PCDH9: variants seen among roughly 807,000 people sequenced by gnomAD.
PCDH9 encodes the protein protocadherin 9.
Under a neutral mutation model 70.6 loss-of-function variants are expected in PCDH9, and 24 were observed. The ratio of observed to expected loss-of-function variants is 0.34; its 90% CI spans 0.25 to 0.48. The LOEUF (loss-of-function observed/expected upper bound fraction) is 0.48. Ranked by LOEUF, PCDH9 falls within the 20% of genes least tolerant of loss-of-function variation. The probability of loss-of-function intolerance (pLI) is 0.99; values close to 1 mark genes in which losing one functional copy is unlikely to be tolerated. For synonymous variants in PCDH9, 562 were observed against 558.5 expected (o/e 1.01, Z -0.09); for missense variants, 1,281 against 1,503.6 (o/e 0.85, Z 2.45).
intron 2 of PCDH9, among the ~76,000 whole-genome samples, chr13:67,107,506 C>T (rs191131076): frequency 7.9e-4 from 121 of 152,310 alleles, no homozygotes; most frequent in African/African-American, 1.3e-3. Context: ...GACGTCAGAA[C>T]GATCTGCCTG....
At chr13:66,771,749 T>C (rs2079810853) in intron 3 of PCDH9, among the ~76,000 whole-genome samples, 2 of 152,234 alleles carry the variant, frequency 1.3e-5, no homozygotes. Flanking sequence ...CAAATTGATT[T>C]ATCTCCTCAA....
intron 2 of PCDH9, among the ~76,000 whole-genome samples, chr13:66,949,501 A>C (rs1057089358): frequency 4.6e-5 from 7 of 152,034 alleles, no homozygotes; most frequent in African/African-American, 1.7e-4. Context: ...CTTACAAATA[A>C]ATGGAGTAGG....
At chr13:67,024,819 T>C (rs1039302744) in intron 2 of PCDH9, among the ~76,000 whole-genome samples, 4 of 152,106 alleles carry the variant, frequency 2.6e-5, no homozygotes, top group African/African-American at 9.7e-5. Context: ...TAGAAAAAAT[T>C]ATGAAATACT....
chr13:66,857,771 G>T (rs2081418476), intron 3 of PCDH9, among the ~76,000 whole-genome samples: 2 of 152,000 alleles, frequency 1.3e-5, no homozygotes, highest in African/African-American at 4.8e-5. Context: ...ACACATGAAA[G>T]CTTCATAGAT....
At chr13:66,438,437 GGCTAAATAACTTTTGACA>G (rs1957917411) in intron 4 of PCDH9, among the ~76,000 whole-genome samples, 1 of 152,082 alleles carries the variant, frequency 6.6e-6, no homozygotes, top group Non-Finnish European at 1.5e-5. Flanking sequence ...AGGCAAGGAA[GGCTAAATAACTTTTGACA>G]GCTAAATAAC....
rs1593771527 is a variant in PCDH9 at position 66,304,950 on chromosome 13, T to A, written c.3419A>T (p.Asp1140Val). The change falls in exon 5 of 5, where the codon GAT (aspartate) becomes GTT (valine). Residue 1140 changes from aspartate to valine, a missense_variant. Physicochemically the swap from Asp to Val is radical, Grantham distance 152 (BLOSUM62 -3). This residue lies in a region of PCDH9 where 264 missense variants were observed against 278.8 expected (regional missense o/e 0.95). Transcript: ENST00000377865. The part of the protein sequence containing the change: ...TQECLVLGHS[D>V]NCWMPPGLGP... ...CAAGCCAGGAGGCATCCAGCAATTA[T>A]CAGAGTGACCCAAAACCAAGCACTC... The A allele has an allele frequency of 6.2e-7, 1 of 1,613,494 alleles. No individual in the cohort carries two copies. Among genetic ancestry groups the A allele is most frequent in the Admixed American group, 1.7e-5 (1 of 59,860 alleles).
chr13:66,419,621 C>G (rs1483025072), intron 4 of PCDH9, among the ~76,000 whole-genome samples: 2 of 152,050 alleles, frequency 1.3e-5, no homozygotes, highest in Non-Finnish European at 2.9e-5. Context: ...TGCATTCCAG[C>G]CAAGATGCTA....
intron 2 of PCDH9, among the ~76,000 whole-genome samples, chr13:67,023,468 C>CATAAA (rs2307953): frequency 0.023 from 3,543 of 152,222 alleles, 130 homozygotes; most frequent in African/African-American, 0.08. Context: ...AAAATAAAGA[C>CATAAA]ATTTTGAAGT....
intron 2 of PCDH9, among the ~76,000 whole-genome samples, chr13:67,148,230 A>G (rs1424210640): frequency 6.6e-6 from 1 of 151,240 alleles, no homozygotes; most frequent in African/African-American, 2.4e-5. Flanking sequence ...GCAAAATTAC[A>G]TTAATTGGAA....
At chr13:66,872,162 T>A (rs537565651) in intron 3 of PCDH9, among the ~76,000 whole-genome samples, 1 of 152,274 alleles carries the variant, frequency 6.6e-6, no homozygotes, top group South Asian at 2.1e-4. Flanking sequence ...AGTGTCAAAA[T>A]TAATGATGTT....
chr13:66,717,505 A>G (rs1481926502), intron 3 of PCDH9, among the ~76,000 whole-genome samples: 1 of 132,656 alleles, frequency 7.5e-6, no homozygotes, highest in Non-Finnish European at 1.6e-5. Flanking sequence ...ATATATATAT[A>G]TATGTATATA....
chr13:67,182,717 G>A (rs1328385167), intron 2 of PCDH9, among the ~76,000 whole-genome samples: 1 of 151,998 alleles, frequency 6.6e-6, no homozygotes, highest in African/African-American at 2.4e-5. Context: ...AGAAGCCATT[G>A]GGTGAAAGAA....
chr13:66,708,045 ATTTTATTTTT>A (rs919501182), intron 3 of PCDH9, among the ~76,000 whole-genome samples: 16 of 151,556 alleles, frequency 1.1e-4, no homozygotes, highest in African/African-American at 7.3e-5. Context: ...ATTTTATTTT[ATTTTATTTTT>A]TTTTTATTTT....
In PCDH9 at chr13:67,226,832, G is replaced by A. The variant is rs1276928919; in HGVS notation, c.1609C>T (p.Arg537Ter). ...CTGGCAGTTACTGTAAAAATGAATCGTTCTTGTTCTTCTCTGTCAAATACT... is the reference window on the plus strand; with the variant it reads ...CTGGCAGTTACTGTAAAAATGAATCATTCTTGTTCTTCTCTGTCAAATACT... ...SRVFDREEQERFIFTVTARDN... is the reference protein window; with the variant it reads ...SRVFDREEQE The change falls in exon 2 of 5, where the codon CGA becomes TGA. Residue 537 changes from arginine to a stop codon, truncating the protein, a stop_gained. Transcript: ENST00000377865. LOFTEE classifies it high-confidence loss of function. This position sits in a 1 kb window ranked among gnomAD's most constrained non-coding sequence, Gnocchi z 5.0. 1.2e-6 allele frequency: 2 copies of A among 1,613,962 alleles called. No individual in the cohort carries two copies. Among genetic ancestry groups the A allele is most frequent in the African/African-American group, 1.3e-5 (1 of 74,876 alleles).
intron 2 of PCDH9, among the ~76,000 whole-genome samples, chr13:67,121,403 G>T (rs556947362): frequency 8.5e-5 from 13 of 152,294 alleles, no homozygotes; most frequent in African/African-American, 2.6e-4. Context: ...GGGGAAATCT[G>T]CTCTGTGTTC....
rs1437788849 is a variant in PCDH9, at chr13:66,880,147, T to C, written c.3138+23357A>G. The C allele has an allele frequency of 2.0e-5, 3 of 152,168 alleles. No individual in the cohort carries two copies. The East Asian group carries it at 5.8e-4, about 29-fold the overall frequency. 9.4% of individuals were successfully genotyped at this position (152,168 alleles called of 1,614,324 possible). On this transcript the variant is annotated intron_variant, in intron 3 of 4. Transcript: ENST00000377865. ...ACAAGAGGCTGGCTGCATTGTGCTA[T>C]TGAAGTACAAAAGAATAAATCAAAG...
intron 2 of PCDH9, among the ~76,000 whole-genome samples, chr13:67,020,496 T>C (rs169001): frequency 0.99 from 151,191 of 152,316 alleles, 75,049 homozygotes; most frequent in East Asian, 1. Flanking sequence ...GAAGAAGAAT[T>C]CCCACGTTAG....
At chr13:66,416,806 CT>C (rs1957468624) in intron 4 of PCDH9, among the ~76,000 whole-genome samples, 1 of 152,078 alleles carries the variant, frequency 6.6e-6, no homozygotes, top group Non-Finnish European at 1.5e-5. Context: ...GATTACCATG[CT>C]AAGCTCTGAA....
intron 4 of PCDH9, among the ~76,000 whole-genome samples, chr13:66,459,176 G>C (rs1265735181): frequency 6.6e-6 from 1 of 151,992 alleles, no homozygotes; most frequent in Non-Finnish European, 1.5e-5. Context: ...TAAACTGGTT[G>C]TAAGTTGTTG....
Sources: allele counts gnomAD v4.1 joint callset (sites outside exome capture counted in the v4.1 genomes callset), GRCh38; gene constraint gnomAD v4.1.1; regional missense constraint gnomAD v4.1.1; non-coding constraint Gnocchi (gnomAD v3.1); transcripts MANE v1.5; gene names NCBI Gene and HGNC (gene_info 2026-07-23, HGNC 2026-07-21).